The following NAV2 variants were observed in gnomAD, a reference collection of about 807,000 sequenced individuals.
NAV2 encodes the protein neuron navigator 2, also known as helicase, APC down-regulated 1.
In NAV2, 54 loss-of-function variants were observed where a neutral mutation model predicts 223.2. That is an observed-to-expected ratio of 0.24 (90% confidence interval 0.19 to 0.30). The LOEUF is 0.30. Among genes scored for constraint, NAV2 ranks in the 10% least tolerant of loss-of-function variants. The probability of loss-of-function intolerance (pLI) is 1.00; values close to 1 mark genes in which losing one functional copy is unlikely to be tolerated. For missense variants in NAV2, 2,806 were observed against 3,147.5 expected (o/e 0.89, Z 2.60); for synonymous variants, 1,279 against 1,239.3 (o/e 1.03, Z -0.67).
At chr11:19,429,137 C>A (rs916644358) in intron 1 of NAV2, among the ~76,000 whole-genome samples, 4 of 152,222 alleles carry the variant, frequency 2.6e-5, no homozygotes, top group African/African-American at 9.6e-5. Flanking sequence ...TCAGAGTCTT[C>A]TGCTTCTCTT....
chr11:19,550,963 G>A (rs1362372076), intron 1 of NAV2, among the ~76,000 whole-genome samples: 1 of 152,342 alleles, frequency 6.6e-6, no homozygotes, highest in African/African-American at 2.4e-5. Flanking sequence ...CATATAATGA[G>A]AAGTAGGTAT....
chr11:19,491,955 AAG>A (rs150403869), intron 1 of NAV2, among the ~76,000 whole-genome samples: 21,515 of 120,682 alleles, frequency 0.18, 1,529 homozygotes, highest in Non-Finnish European at 0.19. Context: ...GGGAGACTCA[AAG>A]AGAGAGAGAG....
chr11:19,575,762 C>T (rs532088016), intron 1 of NAV2, among the ~76,000 whole-genome samples: 29 of 152,316 alleles, frequency 1.9e-4, no homozygotes, highest in African/African-American at 6.0e-4. Flanking sequence ...GGATCCATGT[C>T]GTTCATCTCT....
At chr11:19,570,541 A>C (rs1174578939) in intron 1 of NAV2, among the ~76,000 whole-genome samples, 3 of 152,212 alleles carry the variant, frequency 2.0e-5, no homozygotes, top group Non-Finnish European at 4.4e-5. Flanking sequence ...ATATCTGGTA[A>C]GTCTAGTATT....
chr11:19,968,421 T>C (rs1274948121), intron 10 of NAV2, among the ~76,000 whole-genome samples: 1 of 152,154 alleles, frequency 6.6e-6, no homozygotes, highest in East Asian at 1.9e-4. Flanking sequence ...GGTTTCACCA[T>C]GTTGGCCAGG....
At chr11:20,071,071 C>T (rs576689418) in intron 22 of NAV2, among the ~76,000 whole-genome samples, 17 of 151,886 alleles carry the variant, frequency 1.1e-4, no homozygotes, top group Non-Finnish European at 2.4e-4. Context: ...TCGTCATCTA[C>T]ATTAGGCATT....
At chr11:20,070,647 A>C (rs758932276) in intron 22 of NAV2, among the ~76,000 whole-genome samples, 1 of 152,148 alleles carries the variant, frequency 6.6e-6, no homozygotes, top group Non-Finnish European at 1.5e-5. Context: ...CTCGCAAACC[A>C]AGCTGTGTTT....
rs183297244 is a variant in NAV2 at position 19,828,424 on chromosome 11, A to G, written c.268-4060A>G. Among the ~76,000 whole-genome samples the G allele has an allele frequency of 1.1e-4, 17 of 152,338 alleles. No individual in the cohort carries two copies. The East Asian group carries it at 2.1e-3, about 19-fold the overall frequency. ...ATTTGATTCTTGTAGGTACCTCTGT[A>G]AGTGGAAACATGCAATATTGTCCTT... On this transcript the variant is annotated intron_variant, in intron 1 of 37. Coordinates refer to ENST00000349880, the MANE Select transcript of NAV2 (RefSeq NM_145117.5).
chr11:20,057,782 G>A (rs754444382), intron 19 of NAV2, among the ~76,000 whole-genome samples: 24 of 152,224 alleles, frequency 1.6e-4, no homozygotes, highest in Admixed American at 1.4e-3. Flanking sequence ...GACCATTACA[G>A]TATCGTCATC....
At chr11:19,863,281 A>G (rs950638963) in intron 3 of NAV2, among the ~76,000 whole-genome samples, 2 of 152,058 alleles carry the variant, frequency 1.3e-5, no homozygotes, top group Non-Finnish European at 2.9e-5. Flanking sequence ...ATGTGGCCCC[A>G]TCTACTCTTG....
rs1489245218 is a variant in NAV2, at chr11:20,080,210, G to A, written c.5325+1G>A. 2 of 1,613,088 alleles carry A rather than the reference G, an allele frequency of 1.2e-6. No individual in the cohort carries two copies. Among genetic ancestry groups the A allele is most frequent in the Non-Finnish European group, 1.7e-6 (2 of 1,179,446 alleles). On this transcript the variant is annotated splice_donor_variant, in intron 25 of 37. Coordinates refer to ENST00000349880, the MANE Select transcript of NAV2 (RefSeq NM_145117.5). LOFTEE classifies it high-confidence loss of function. ...AAAGAAGAAGAAGCGGAAGAACTGG[G>A]TGAGTGCACATCCACTCTCCTGGGG...
At chr11:19,368,433 T>C (rs1848362801) in intron 1 of NAV2, among the ~76,000 whole-genome samples, 1 of 152,210 alleles carries the variant, frequency 6.6e-6, no homozygotes, top group African/African-American at 2.4e-5. Context: ...TCCCATCTAC[T>C]GCAGCAGGAC....
intron 1 of NAV2, among the ~76,000 whole-genome samples, chr11:19,399,746 G>C (rs1590127239): frequency 6.6e-6 from 1 of 152,250 alleles, no homozygotes; most frequent in Non-Finnish European, 1.5e-5. Context: ...AGGGCCAGTG[G>C]TGAAGCTGAG....
chr11:20,020,665 G>A (rs1311194951), intron 11 of NAV2, among the ~76,000 whole-genome samples: 1 of 152,144 alleles, frequency 6.6e-6, no homozygotes, highest in African/African-American at 2.4e-5. Flanking sequence ...ACTCACCCCT[G>A]TAAAAATCAT....
At chr11:20,016,838 CAAAAAA>C (rs34115097) in intron 11 of NAV2, among the ~76,000 whole-genome samples, 3,012 of 145,268 alleles carry the variant, frequency 0.021, 43 homozygotes, top group East Asian at 0.048. Flanking sequence ...TACTAAAATA[CAAAAAA>C]AAAAAAAAAA....
intron 1 of NAV2, among the ~76,000 whole-genome samples, chr11:19,784,903 G>T (rs1243686012): frequency 1.3e-5 from 2 of 152,186 alleles, no homozygotes; most frequent in African/African-American, 4.8e-5. Context: ...ATCATCATCA[G>T]ATCGAGAGCA....
At chr11:19,840,606 G>C (rs1373860220) in intron 2 of NAV2, among the ~76,000 whole-genome samples, 1 of 152,170 alleles carries the variant, frequency 6.6e-6, no homozygotes, top group South Asian at 2.1e-4. Context: ...CCAATGTTGA[G>C]TGTCAAAATC....
At chr11:19,378,005 G>A (rs1489955516) in intron 1 of NAV2, among the ~76,000 whole-genome samples, 3 of 152,148 alleles carry the variant, frequency 2.0e-5, no homozygotes, top group Admixed American at 2.0e-4. Flanking sequence ...GGAGGAGGCA[G>A]GTGGAAGATC....
chr11:19,810,225 T>C (rs758610834), intron 1 of NAV2, among the ~76,000 whole-genome samples: 1 of 152,244 alleles, frequency 6.6e-6, no homozygotes, highest in Non-Finnish European at 1.5e-5. Flanking sequence ...GCTTTGGCCA[T>C]TGGGAGCTCT....
Sources: gnomAD v4.1 joint callset for allele counts (sites outside exome capture counted in the v4.1 genomes callset) on GRCh38, gnomAD v4.1.1 for gene constraint, MANE v1.5 for transcripts, NCBI Gene and HGNC (gene_info 2026-07-23, HGNC 2026-07-21) for gene names.